KAZN: variants seen among roughly 807,000 people sequenced by gnomAD.
KAZN encodes the protein kazrin, periplakin interacting protein.
A neutral mutation model predicts 87.4 loss-of-function variants in KAZN; 40 were observed. That is an observed-to-expected ratio of 0.46 (90% CI 0.36 to 0.60). The LOEUF is 0.60. Ranked by LOEUF, KAZN falls within the 20% of genes least tolerant of loss-of-function variation. The pLI is 0.00. For missense variants in KAZN, 898 were observed against 1,073.9 expected, an observed-to-expected ratio of 0.84 and a Z score of 2.29; for synonymous variants, 466 against 458.3, an observed-to-expected ratio of 1.02 and a Z score of -0.22.
At chr1:14,578,390 T>C (rs755915388) in intron 2 of KAZN, among the ~76,000 whole-genome samples, 13 of 150,644 alleles carry the variant, frequency 8.6e-5, no homozygotes, top group Non-Finnish European at 1.8e-4. Context: ...TTATTGTAAA[T>C]AGTGGTGAAA....
At chr1:14,502,568 G>A (rs1421080254) in intron 2 of KAZN, among the ~76,000 whole-genome samples, 2 of 152,026 alleles carry the variant, frequency 1.3e-5, no homozygotes, top group Non-Finnish European at 2.9e-5. Context: ...CCCTACTCCT[G>A]GGGGCCTACC....
chr1:14,165,957 G>C (rs756453516), intron 1 of KAZN, among the ~76,000 whole-genome samples: 2 of 152,068 alleles, frequency 1.3e-5, no homozygotes, highest in Non-Finnish European at 2.9e-5. Context: ...ATTCTCTCAC[G>C]GTCATACAAA....
intron 1 of KAZN, among the ~76,000 whole-genome samples, chr1:14,638,537 C>G (rs1557856142): frequency 6.7e-6 from 1 of 149,224 alleles, no homozygotes; most frequent in Non-Finnish European, 1.5e-5. Flanking sequence ...CCACGGCACT[C>G]CAGCCTGGGC....
chr1:14,148,108 C>A (rs899719003), intron 1 of KAZN, among the ~76,000 whole-genome samples: 1 of 150,912 alleles, frequency 6.6e-6, no homozygotes, highest in Non-Finnish European at 1.5e-5. Context: ...GTGGTCCCAG[C>A]AGATCACTTG....
At chr1:14,097,470 A>G (rs1362260985) in intron 1 of KAZN, among the ~76,000 whole-genome samples, 2 of 152,200 alleles carry the variant, frequency 1.3e-5, no homozygotes, top group African/African-American at 4.8e-5. Context: ...AGTGACCTTT[A>G]ATATGGATGG....
At chr1:14,295,116 G>T (rs930153536) in intron 2 of KAZN, among the ~76,000 whole-genome samples, 11 of 152,072 alleles carry the variant, frequency 7.2e-5, no homozygotes, top group African/African-American at 2.7e-4. Flanking sequence ...CTCACAGGGT[G>T]GTTGAGAAGG....
intron 1 of KAZN, among the ~76,000 whole-genome samples, chr1:14,824,487 C>T (rs527629452): frequency 6.6e-6 from 1 of 152,300 alleles, no homozygotes; most frequent in African/African-American, 2.4e-5. Context: ...CGGCACCCAA[C>T]AGCTGTTGTG....
chr1:14,638,961 C>T (rs564719096), intron 1 of KAZN, among the ~76,000 whole-genome samples: 2 of 152,336 alleles, frequency 1.3e-5, no homozygotes, highest in African/African-American at 4.8e-5. Flanking sequence ...TTCAGTGGCT[C>T]CCTGTTGTCC....
chr1:14,929,980 T>C, intron 1 of KAZN: 1 of 985,554 alleles, frequency 1.0e-6, no homozygotes, highest in Non-Finnish European at 1.2e-6. Context: ...CAGATGGCAT[T>C]AGCCCGTCAT....
chr1:14,123,232 A>G (rs982533690), intron 1 of KAZN, among the ~76,000 whole-genome samples: 2 of 152,142 alleles, frequency 1.3e-5, no homozygotes, highest in African/African-American at 2.4e-5. Context: ...CTTTTTGAGT[A>G]CATAAAATGA....
At position 14,184,410 on chromosome 1, in the gene KAZN, T is replaced by A. The variant is rs1646261692; in HGVS notation, c.249+3818T>A. 1.3e-5 allele frequency among the ~76,000 whole-genome samples: 2 copies of A among 152,194 alleles called. No individual in the cohort carries two copies. The highest frequency in any genetic ancestry group is 1.3e-4 in the Admixed American group (2 of 15,282). On this transcript the variant is annotated intron_variant, in intron 2 of 16. Coordinates refer to the KAZN transcript ENST00000636203. This position sits in a 1 kb window ranked among gnomAD's most constrained non-coding sequence, Gnocchi z 4.2. ...TTTTCACTTCCTTCTCTTCCTTCCC[T>A]TTCCTGTTCTTTCCTTGTCTGTCTT... is the stretch of plus-strand genomic sequence containing the variant.
intron 2 of KAZN, among the ~76,000 whole-genome samples, chr1:14,374,654 C>T (rs1660759955): frequency 6.6e-6 from 1 of 152,190 alleles, no homozygotes; most frequent in Non-Finnish European, 1.5e-5. Context: ...CTTCTGGGAA[C>T]AGCCTCAGGA....
At chr1:14,874,345 G>C (rs1215225250) in intron 1 of KAZN, among the ~76,000 whole-genome samples, 1 of 152,186 alleles carries the variant, frequency 6.6e-6, no homozygotes, top group Non-Finnish European at 1.5e-5. Context: ...GTGTTCAACT[G>C]TTAGATGCTG....
In KAZN at chr1:14,247,861, C is replaced by T. The variant is rs181985780; in HGVS notation, c.249+67269C>T. The stretch of plus-strand genomic sequence containing the variant: ...GGTGTGTGGCAATAATCTTCATGTA[C>T]GCTGGCAGGCCAAACATCTGGCTCA... On this transcript the variant is annotated intron_variant, in intron 2 of 16. Coordinates refer to the KAZN transcript ENST00000636203. Among the ~76,000 whole-genome samples, 56 of 151,884 alleles carry T rather than the reference C, an allele frequency of 3.7e-4. 1 individual carries two copies. Among genetic ancestry groups the T allele is most frequent in the Middle Eastern group, 3.4e-3 (1 of 294 alleles).
chr1:14,230,668 T>A (rs1301404396), intron 2 of KAZN, among the ~76,000 whole-genome samples: 3 of 152,218 alleles, frequency 2.0e-5, no homozygotes, highest in African/African-American at 7.2e-5. Flanking sequence ...TTTCCACATG[T>A]GACTCCCCTG....
chr1:14,444,943 CTG>C (rs1452843448), intron 2 of KAZN, among the ~76,000 whole-genome samples: 6 of 151,982 alleles, frequency 3.9e-5, no homozygotes, highest in Non-Finnish European at 7.4e-5. Context: ...GGTACTCAGA[CTG>C]TGAATTTATT....
chr1:14,350,319 G>A (rs532579857), intron 2 of KAZN, among the ~76,000 whole-genome samples: 13 of 152,258 alleles, frequency 8.5e-5, no homozygotes, highest in Non-Finnish European at 1.3e-4. Context: ...AATTCTCTGA[G>A]TTTTATAAAC....
At chr1:14,396,573 A>T (rs181276468) in intron 2 of KAZN, among the ~76,000 whole-genome samples, 4 of 152,366 alleles carry the variant, frequency 2.6e-5, no homozygotes. Flanking sequence ...GAAATTGCAG[A>T]TAATTAGCTT....
intron 1 of KAZN, among the ~76,000 whole-genome samples, chr1:14,092,006 T>G (rs567957673): frequency 6.6e-6 from 1 of 151,822 alleles, no homozygotes; most frequent in South Asian, 2.1e-4. Context: ...TCATCATCAT[T>G]ATCCTTTACA....
Sources: gnomAD v4.1 joint callset for allele counts (sites outside exome capture counted in the v4.1 genomes callset) on GRCh38, gnomAD v4.1.1 for gene constraint, Gnocchi (gnomAD v3.1) non-coding constraint, MANE v1.5 for transcripts, NCBI Gene and HGNC (gene_info 2026-07-23, HGNC 2026-07-21) for gene names.